The following SESN1 variants were observed in gnomAD, a reference collection of about 807,000 sequenced individuals.
SESN1 encodes sestrin-1.
SESN1 carries 30 observed loss-of-function variants against 59.3 expected under a neutral mutation model. The ratio of observed to expected loss-of-function variants is 0.51; its 90% confidence interval spans 0.38 to 0.69. SESN1 has a LOEUF of 0.69. Ranked by LOEUF, SESN1 falls within the 30% of genes least tolerant of loss-of-function variation. SESN1 has a pLI of 0.00. For synonymous variants in SESN1, 197 were observed against 219.9 expected, an observed-to-expected ratio of 0.90 and a Z score of 0.92; for missense variants, 566 against 673.0, an observed-to-expected ratio of 0.84 and a Z score of 1.76.
chr6:109,025,320 G>T (rs1272392642), intron 1 of SESN1, among the ~76,000 whole-genome samples: 1 of 151,834 alleles, frequency 6.6e-6, no homozygotes, highest in Non-Finnish European at 1.5e-5. Flanking sequence ...GCTCTTAAAA[G>T]CAAGGTAAAT....
At chr6:109,073,764 C>T (rs1418990600) in intron 1 of SESN1, among the ~76,000 whole-genome samples, 1 of 152,206 alleles carries the variant, frequency 6.6e-6, no homozygotes, top group Non-Finnish European at 1.5e-5. Context: ...AGAGACATTT[C>T]AGAGAGTACA....
At chr6:109,021,531 G>A (rs1256457404) in intron 1 of SESN1, among the ~76,000 whole-genome samples, 3 of 151,362 alleles carry the variant, frequency 2.0e-5, no homozygotes, top group Admixed American at 6.6e-5. Context: ...TCTGCCTCCC[G>A]GGTTCAAGCA....
chr6:109,034,542 T>G (rs144837872), intron 1 of SESN1, among the ~76,000 whole-genome samples: 2 of 152,346 alleles, frequency 1.3e-5, no homozygotes, highest in East Asian at 3.9e-4. Context: ...TATTCTCTCC[T>G]TCTTCTGTGG....
chr6:109,079,090 T>TAAAC (rs1208335535), intron 1 of SESN1, among the ~76,000 whole-genome samples: 1 of 150,618 alleles, frequency 6.6e-6, no homozygotes, highest in Non-Finnish European at 1.5e-5. Flanking sequence ...AGAATAAAAA[T>TAAAC]AAACACACTT....
intron 1 of SESN1, among the ~76,000 whole-genome samples, chr6:109,075,925 G>A (rs1781024721): frequency 1.3e-5 from 2 of 152,180 alleles, no homozygotes; most frequent in South Asian, 4.1e-4. Context: ...AGCCTCTGCA[G>A]TAACCACCTA....
intron 1 of SESN1, among the ~76,000 whole-genome samples, chr6:109,020,871 A>C (rs1290615642): frequency 6.6e-6 from 1 of 152,194 alleles, no homozygotes; most frequent in Non-Finnish European, 1.5e-5. Context: ...CATGAACAAC[A>C]CTTCTTTTCT....
chr6:109,052,475 T>C (rs1232542847), intron 1 of SESN1, among the ~76,000 whole-genome samples: 12 of 152,198 alleles, frequency 7.9e-5, no homozygotes, highest in Admixed American at 7.2e-4. Context: ...CTCTTTCTTA[T>C]GTATATTTTT....
intron 1 of SESN1, among the ~76,000 whole-genome samples, chr6:109,017,015 T>C (rs1298294559): frequency 1.3e-5 from 2 of 152,020 alleles, no homozygotes; most frequent in African/African-American, 4.8e-5. Context: ...AATAATGCTA[T>C]TATTTTATAT....
chr6:109,032,999 A>G (rs888850391), intron 1 of SESN1, among the ~76,000 whole-genome samples: 1 of 152,182 alleles, frequency 6.6e-6, no homozygotes, highest in South Asian at 2.1e-4. Context: ...GCCCTAAGGA[A>G]CCTTATAATC....
chr6:109,066,427 T>A (rs1167938749), intron 1 of SESN1, among the ~76,000 whole-genome samples: 1 of 151,952 alleles, frequency 6.6e-6, no homozygotes, highest in Non-Finnish European at 1.5e-5. Flanking sequence ...AAGGAAGGAA[T>A]GTGGATCCCT....
intron 1 of SESN1, among the ~76,000 whole-genome samples, chr6:109,044,418 A>G (rs1780391329): frequency 6.6e-6 from 1 of 151,318 alleles, no homozygotes; most frequent in African/African-American, 2.4e-5. Context: ...ATGAAATAAT[A>G]GGACATCCAT....
At chr6:109,035,835 T>A (rs1239477578) in intron 1 of SESN1, among the ~76,000 whole-genome samples, 1 of 152,154 alleles carries the variant, frequency 6.6e-6, no homozygotes, top group Non-Finnish European at 1.5e-5. Flanking sequence ...CTCAAACTCC[T>A]GGCCTCAAGT....
intron 1 of SESN1, among the ~76,000 whole-genome samples, chr6:109,082,025 C>T (rs192828883): frequency 1.3e-5 from 2 of 152,062 alleles, no homozygotes; most frequent in African/African-American, 4.8e-5. Context: ...CTGGCAATAC[C>T]GGCATACAAA....
intron 1 of SESN1, among the ~76,000 whole-genome samples, chr6:109,017,485 C>T (rs1779945555): frequency 6.6e-6 from 1 of 152,104 alleles, no homozygotes; most frequent in South Asian, 2.1e-4. Context: ...CGGGGTTTCA[C>T]CATGTTAGCC....
intron 1 of SESN1, among the ~76,000 whole-genome samples, chr6:109,021,783 T>C (rs995684204): frequency 2.0e-5 from 3 of 152,164 alleles, no homozygotes; most frequent in Non-Finnish European, 4.4e-5. Flanking sequence ...ATAAGCTATG[T>C]TGAATCAGAA....
intron 1 of SESN1, among the ~76,000 whole-genome samples, chr6:109,084,947 C>CGCCGCCGGG (rs1781188282): frequency 6.6e-6 from 1 of 151,670 alleles, no homozygotes; most frequent in African/African-American, 2.4e-5. Flanking sequence ...AATAAAATAC[C>CGCCGCCGGG]AACTGGGAAA....
rs1583263716 is a variant in SESN1, at chr6:108,998,975, T to G, written c.730-220A>C. On this transcript the variant is annotated intron_variant, in intron 4 of 9. Transcript: ENST00000436639. ...TCTGTTAAGACATTCACTATTATTT[T>G]GATTTTCTGAAATATTGACTTAAAA... 1.1e-5 allele frequency: 4 copies of G among 365,512 alleles called. No individual in the cohort carries two copies. The East Asian group carries it at 1.9e-4, about 18-fold the overall frequency. 22.6% of individuals were successfully genotyped at this position (365,512 alleles called of 1,614,324 possible). A position where few individuals can be genotyped will look rare whatever the true frequency, so the allele number is the denominator to read the frequency against.
At chr6:109,015,728 T>C (rs1423244472) in intron 1 of SESN1, among the ~76,000 whole-genome samples, 1 of 152,128 alleles carries the variant, frequency 6.6e-6, no homozygotes, top group Non-Finnish European at 1.5e-5. Context: ...TAGGCGCTAC[T>C]GAAGGTTTTA....
At chr6:109,085,127 A>AG (rs2114479052) in intron 1 of SESN1, among the ~76,000 whole-genome samples, 1 of 149,800 alleles carries the variant, frequency 6.7e-6, no homozygotes, top group African/African-American at 2.5e-5. Flanking sequence ...AGCAACCAAC[A>AG]GAAAAAAAAA....
Sources: gnomAD v4.1 joint callset for allele counts (sites outside exome capture counted in the v4.1 genomes callset) on GRCh38, gnomAD v4.1.1 for gene constraint, MANE v1.5 for transcripts, NCBI Gene and HGNC (gene_info 2026-07-23, HGNC 2026-07-21) for gene names.